Variants in CBFA2T2 observed in about 807,000 individuals in gnomAD.
CBFA2T2 encodes CBFA2/RUNX1 partner transcriptional co-repressor 2, also known as protein CBFA2T2.
In CBFA2T2, 11 loss-of-function variants were observed where a neutral mutation model predicts 62.2. The observed-to-expected ratio is 0.18, with a 90% CI of 0.11 to 0.29. The LOEUF (loss-of-function observed/expected upper bound fraction) is 0.29, where lower values mean the gene tolerates loss of function less well. Among genes scored for constraint, CBFA2T2 ranks in the 10% least tolerant of loss-of-function variants. The pLI, the probability that CBFA2T2 is intolerant of heterozygous loss-of-function variation, is 1.00. For synonymous variants in CBFA2T2, 295 were observed against 287.5 expected (o/e 1.03, Z -0.27); for missense variants, 592 against 774.1 (o/e 0.76, Z 2.79).
At chr20:33,522,939 C>A (rs2011774070) in intron 1 of CBFA2T2, among the ~76,000 whole-genome samples, 1 of 152,012 alleles carries the variant, frequency 6.6e-6, no homozygotes, top group Non-Finnish European at 1.5e-5. Flanking sequence ...AAAGAAAATC[C>A]AATGGAAAGG....
intron 1 of CBFA2T2, among the ~76,000 whole-genome samples, chr20:33,564,289 A>G (rs532327219): frequency 7.2e-6 from 1 of 139,384 alleles, no homozygotes; most frequent in Admixed American, 7.7e-5. Flanking sequence ...TCCGAGATGG[A>G]GTCTCACTCT....
intron 1 of CBFA2T2, among the ~76,000 whole-genome samples, chr20:33,602,174 C>T (rs530345239): frequency 2.0e-5 from 3 of 152,136 alleles, no homozygotes; most frequent in South Asian, 4.1e-4. Context: ...GCTGTATACC[C>T]ACCATTGTTA....
intron 1 of CBFA2T2, among the ~76,000 whole-genome samples, chr20:33,570,398 A>G (rs548815060): frequency 6.6e-6 from 1 of 152,368 alleles, no homozygotes; most frequent in African/African-American, 2.4e-5. Context: ...TTATATTTAG[A>G]ATAGGTTAGG....
intron 1 of CBFA2T2, among the ~76,000 whole-genome samples, chr20:33,511,925 C>G (rs762458710): frequency 1.3e-5 from 2 of 152,120 alleles, no homozygotes; most frequent in Non-Finnish European, 2.9e-5. Context: ...CGCCTGTAAT[C>G]CCAGCACTTT....
At position 33,623,962 on chromosome 20, in the gene CBFA2T2, A is replaced by G. The variant is rs749469210; in HGVS notation, c.692+666A>G. The G allele has an allele frequency of 6.6e-6, 4 of 602,866 alleles. No individual in the cohort carries two copies. In the East Asian group the frequency reaches 8.6e-5, roughly 13 times the overall value. The allele number at this position is 602,866 out of a possible 1,614,324, so 37.3% of individuals were successfully genotyped here. ...GTTTGTAGAAAGAATTGGAAAAAAAAAAAAAAGAAAAGAAAAGAAAAAACA... is the reference window on the plus strand; with the variant it reads ...GTTTGTAGAAAGAATTGGAAAAAAAGAAAAAAGAAAAGAAAAGAAAAAACA... On this transcript the variant is annotated intron_variant, in intron 5 of 10. Coordinates refer to ENST00000342704, the MANE Select transcript of CBFA2T2 (RefSeq NM_001032999.3).
intron 1 of CBFA2T2, among the ~76,000 whole-genome samples, chr20:33,579,133 G>A (rs1255527675): frequency 1.0e-4 from 14 of 138,750 alleles, no homozygotes; most frequent in Non-Finnish European, 1.5e-4. Context: ...TTTTTTTTAA[G>A]GAAAGCGTCT....
intron 1 of CBFA2T2, among the ~76,000 whole-genome samples, chr20:33,544,990 T>C (rs537613201): frequency 0.016 from 2,193 of 135,960 alleles, 73 homozygotes; most frequent in African/African-American, 0.062. Context: ...TAGAATAGAA[T>C]AGAATAGAAT....
chr20:33,597,056 C>G (rs1228811464), intron 1 of CBFA2T2, among the ~76,000 whole-genome samples: 1 of 151,694 alleles, frequency 6.6e-6, no homozygotes, highest in East Asian at 1.9e-4. Context: ...TCCAAAGCAG[C>G]TGGAATTATA....
At chr20:33,593,458 T>C (rs959917109) in intron 1 of CBFA2T2, among the ~76,000 whole-genome samples, 4 of 144,978 alleles carry the variant, frequency 2.8e-5, no homozygotes, top group Non-Finnish European at 6.0e-5. Context: ...AGTGACATGG[T>C]CTCAGCTCAC....
intron 4 of CBFA2T2, among the ~76,000 whole-genome samples, chr20:33,621,916 TG>T (rs1601083305): frequency 6.6e-6 from 1 of 152,226 alleles, no homozygotes; most frequent in African/African-American, 2.4e-5. Flanking sequence ...GGTTCTATCT[TG>T]GTCTCCTTTA....
At chr20:33,500,792 C>T (rs926548230) in intron 1 of CBFA2T2, among the ~76,000 whole-genome samples, 22 of 152,102 alleles carry the variant, frequency 1.4e-4, no homozygotes, top group African/African-American at 5.1e-4. Context: ...AGACCTTGTT[C>T]AGGGGTATCC....
intron 1 of CBFA2T2, among the ~76,000 whole-genome samples, chr20:33,502,658 C>T (rs1196530526): frequency 6.6e-6 from 1 of 151,314 alleles, no homozygotes; most frequent in Non-Finnish European, 1.5e-5. Flanking sequence ...CTGCCTCGAC[C>T]TCCCAAAGTG....
intron 1 of CBFA2T2, among the ~76,000 whole-genome samples, chr20:33,585,455 A>G (rs1406044182): frequency 3.3e-5 from 5 of 152,170 alleles, no homozygotes; most frequent in Admixed American, 3.3e-4. Context: ...GCATTTCGCC[A>G]AGTGTTGAAT....
At chr20:33,519,604 A>G (rs1451940728) in intron 1 of CBFA2T2, among the ~76,000 whole-genome samples, 1 of 152,170 alleles carries the variant, frequency 6.6e-6, no homozygotes, top group African/African-American at 2.4e-5. Flanking sequence ...GCACCAGTCT[A>G]CCGTGGATAC....
intron 1 of CBFA2T2, among the ~76,000 whole-genome samples, chr20:33,540,858 A>G (rs920605052): frequency 2.6e-5 from 4 of 152,188 alleles, no homozygotes; most frequent in Non-Finnish European, 5.9e-5. Flanking sequence ...CTATAACTCC[A>G]GAATCACCAT....
At chr20:33,608,862 G>A (rs545104137) in intron 2 of CBFA2T2, among the ~76,000 whole-genome samples, 1 of 152,260 alleles carries the variant, frequency 6.6e-6, no homozygotes, top group Admixed American at 6.5e-5. Flanking sequence ...CCTTCAAAAT[G>A]GAGCAACTTT....
At chr20:33,570,830 AGGG>A (rs986993575) in intron 1 of CBFA2T2, among the ~76,000 whole-genome samples, 4 of 152,232 alleles carry the variant, frequency 2.6e-5, no homozygotes, top group Non-Finnish European at 5.9e-5. Context: ...TCTCATTCCT[AGGG>A]CTAATGCCAC....
intron 1 of CBFA2T2, among the ~76,000 whole-genome samples, chr20:33,557,354 C>G (rs2012931575): frequency 6.6e-6 from 1 of 152,010 alleles, no homozygotes; most frequent in Admixed American, 6.6e-5. Context: ...CAGAGATCAG[C>G]TATTTCTCCA....
rs756967782 is a variant in CBFA2T2 at position 33,636,745 on chromosome 20, C to G, written c.1297+37C>G. The G allele has an allele frequency of 2.7e-6, 4 of 1,479,168 alleles. No individual in the cohort carries two copies. The African/African-American group carries it at 4.2e-5, about 15-fold the overall frequency. 91.6% of individuals were successfully genotyped at this position (1,479,168 alleles called of 1,614,324 possible). ...ACTGCTTGTAGGTCATACATACTCA[C>G]TAATTTGTGGGAGCAGAGAACAGAT... On this transcript the variant is annotated intron_variant, in intron 9 of 10. Transcript: ENST00000342704.
Sources: allele counts gnomAD v4.1 joint callset (sites outside exome capture counted in the v4.1 genomes callset), GRCh38; gene constraint gnomAD v4.1.1; transcripts MANE v1.5; gene names NCBI Gene and HGNC (gene_info 2026-07-23, HGNC 2026-07-21).